MAP2K1: variants seen among roughly 807,000 people sequenced by gnomAD.
MAP2K1 encodes dual specificity mitogen-activated protein kinase kinase 1.
Under a neutral mutation model 46.3 loss-of-function variants are expected in MAP2K1, and 16 were observed. The observed-to-expected ratio is 0.35, with a 90% CI of 0.23 to 0.52. The LOEUF (loss-of-function observed/expected upper bound fraction) is 0.52, where lower values mean the gene tolerates loss of function less well. Ranked by LOEUF, MAP2K1 falls within the 20% of genes least tolerant of loss-of-function variation. The probability of loss-of-function intolerance (pLI) is 0.94; values close to 1 mark genes in which losing one functional copy is unlikely to be tolerated. For missense variants in MAP2K1, 263 were observed against 497.1 expected, an observed-to-expected ratio of 0.53 and a Z score of 4.48; for synonymous variants, 183 against 185.6, an observed-to-expected ratio of 0.99 and a Z score of 0.11.
At chr15:66,489,926 C>T (rs987771718) in intron 10 of MAP2K1, 163 bp downstream of exon 10, 8 of 735,056 alleles carry the variant, frequency 1.1e-5, no homozygotes, top group Non-Finnish European at 2.0e-5. Flanking sequence ...TTTGCTCTCC[C>T]ATCAGTTTAA....
chr15:66,418,746 T>C (rs563498158), intron 1 of MAP2K1, among the ~76,000 whole-genome samples: 87 of 151,802 alleles, frequency 5.7e-4, no homozygotes, highest in Non-Finnish European at 1.1e-3. Flanking sequence ...CACTGCAAGC[T>C]CCGCCTCCCG....
At chr15:66,483,019 T>TA (rs1045452173) in intron 6 of MAP2K1, among the ~76,000 whole-genome samples, 2 of 152,176 alleles carry the variant, frequency 1.3e-5, no homozygotes, top group Admixed American at 1.3e-4. Context: ...TCCCAGGAAA[T>TA]AAAGATTATT....
intron 5 of MAP2K1, among the ~76,000 whole-genome samples, chr15:66,475,719 C>T (rs984253920): frequency 1.1e-4 from 16 of 152,166 alleles, no homozygotes; most frequent in African/African-American, 4.8e-5. Flanking sequence ...GGCACCCATC[C>T]CACCTGGTTG....
intron 2 of MAP2K1, 42 bp downstream of exon 2, chr15:66,435,279 G>C (rs2093484937): frequency 3.9e-6 from 6 of 1,540,482 alleles, no homozygotes; most frequent in East Asian, 2.2e-5. Context: ...TTATTTCTCA[G>C]GGTACTTAGA....
chr15:66,438,838 C>G (rs1041165352), intron 3 of MAP2K1, among the ~76,000 whole-genome samples: 1 of 152,166 alleles, frequency 6.6e-6, no homozygotes, highest in African/African-American at 2.4e-5. Context: ...TGGGGAAGAC[C>G]TGGTCAGGCT....
intron 7 of MAP2K1, among the ~76,000 whole-genome samples, chr15:66,486,468 T>G (rs1318462232): frequency 2.0e-5 from 3 of 152,148 alleles, no homozygotes. Flanking sequence ...TTTAATAGCA[T>G]TTCATTTGTG....
intron 1 of MAP2K1, among the ~76,000 whole-genome samples, chr15:66,421,151 T>TC (rs2093442483): frequency 6.6e-6 from 1 of 151,126 alleles, no homozygotes; most frequent in Admixed American, 6.6e-5. Flanking sequence ...AATTTTTTTT[T>TC]CTGAAACAGG....
rs1292221513 is a variant in MAP2K1, at chr15:66,437,341, G to A, written c.438+449G>A. Among the ~76,000 whole-genome samples, 3 of 152,198 alleles carry A rather than the reference G, an allele frequency of 2.0e-5. No individual in the cohort carries two copies. In the East Asian group the frequency reaches 5.8e-4, roughly 29 times the overall value. ...TGATGCACGTTAGTGGAAGGAGAGG[G>A]CAATGGAGAGAGAGGGCATTCATGG... On this transcript the variant is annotated intron_variant, in intron 3 of 10. Coordinates refer to ENST00000307102, the MANE Select transcript of MAP2K1 (RefSeq NM_002755.4).
At chr15:66,480,549 A>G (rs1459117855) in intron 5 of MAP2K1, among the ~76,000 whole-genome samples, 4 of 152,162 alleles carry the variant, frequency 2.6e-5, no homozygotes, top group African/African-American at 9.7e-5. Flanking sequence ...CAGCCTGGGC[A>G]ATGTAGTGAG....
At chr15:66,438,118 G>T (rs1169550376) in intron 3 of MAP2K1, among the ~76,000 whole-genome samples, 1 of 144,812 alleles carries the variant, frequency 6.9e-6, no homozygotes, top group Non-Finnish European at 1.5e-5. Flanking sequence ...ACAGAGTCTC[G>T]CCCTGTCACC....
rs2140539310 is a variant in MAP2K1 at position 66,412,552 on chromosome 15, G to C, written c.81-22475G>C. On this transcript the variant is annotated intron_variant, in intron 1 of 10. Coordinates refer to ENST00000307102, the MANE Select transcript of MAP2K1 (RefSeq NM_002755.4). ...AAATGATAATTTTTACACTTACCCAGATAATCTACTCTGCCTGAGCACATA... is the reference window on the plus strand; with the variant it reads ...AAATGATAATTTTTACACTTACCCACATAATCTACTCTGCCTGAGCACATA... Among the ~76,000 whole-genome samples, 3 of 152,266 alleles carry C rather than the reference G, an allele frequency of 2.0e-5. No homozygotes were observed. In the Middle Eastern group the frequency reaches 0.01, roughly 518 times the overall value.
At chr15:66,452,281 G>A (rs1292369500) in intron 5 of MAP2K1, among the ~76,000 whole-genome samples, 2 of 35,790 alleles carry the variant, frequency 5.6e-5, no homozygotes, top group Admixed American at 1.1e-3. Context: ...AAAACTTAGA[G>A]TATAATAAAA....
intron 1 of MAP2K1, among the ~76,000 whole-genome samples, chr15:66,424,816 C>CTTA (rs2093453202): frequency 9.1e-4 from 113 of 123,830 alleles, no homozygotes; most frequent in Admixed American, 1.2e-3. Flanking sequence ...TTTTTTTTTG[C>CTTA]GATGGAATTT....
intron 1 of MAP2K1, among the ~76,000 whole-genome samples, chr15:66,406,706 T>C (rs1481517457): frequency 6.6e-6 from 1 of 151,976 alleles, no homozygotes; most frequent in Non-Finnish European, 1.5e-5. Flanking sequence ...TCTCTGAGAG[T>C]CCAAGGGCAG....
At chr15:66,412,685 A>G (rs184968714) in intron 1 of MAP2K1, among the ~76,000 whole-genome samples, 2 of 152,096 alleles carry the variant, frequency 1.3e-5, no homozygotes. Flanking sequence ...TCTTATGGCA[A>G]TTTTTGTTTG....
chr15:66,427,819 G>C (rs2140566259), intron 1 of MAP2K1, among the ~76,000 whole-genome samples: 1 of 151,592 alleles, frequency 6.6e-6, no homozygotes, highest in South Asian at 2.1e-4. Flanking sequence ...TTAGAGACCA[G>C]CCTGGCCAAC....
At position 66,487,259 on chromosome 15, in the gene MAP2K1, A is replaced by T. The variant is rs146869577; in HGVS notation, c.927A>T (p.Ala309=). ...SYGMDSRPPM[A]IFELLDYIVN... ...GAATGGACAGCCGACCTCCCATGGC[A>T]ATTTTTGAGTTGTTGGATTACATAG... is the stretch of plus-strand genomic sequence containing the variant. Residue 309 remains alanine, a synonymous_variant, in exon 8 of 11, where the codon GCA becomes GCT. Transcript: ENST00000307102. The T allele has an allele frequency of 6.0e-4, 972 of 1,614,178 alleles. 4 individuals are homozygous for T. In the African/African-American group the frequency reaches 0.012, roughly 20 times the overall value.
At chr15:66,444,824 A>G (rs1891820235) in intron 5 of MAP2K1, 117 bp downstream of exon 5, 3 of 878,422 alleles carry the variant, frequency 3.4e-6, no homozygotes, top group African/African-American at 1.7e-5. Context: ...AACATGTTAA[A>G]TCTTTTATTA....
At chr15:66,399,237 G>A (rs2093375767) in intron 1 of MAP2K1, among the ~76,000 whole-genome samples, 1 of 152,190 alleles carries the variant, frequency 6.6e-6, no homozygotes, top group African/African-American at 2.4e-5. Flanking sequence ...GTTTTGTTTA[G>A]TTAGAGTTTT....
Sources: allele counts gnomAD v4.1 joint callset (sites outside exome capture counted in the v4.1 genomes callset), GRCh38; gene constraint gnomAD v4.1.1; transcripts MANE v1.5; gene names NCBI Gene and HGNC (gene_info 2026-07-23, HGNC 2026-07-21).